FGD5: variants seen among roughly 807,000 people sequenced by gnomAD.
FGD5 encodes FYVE, RhoGEF and PH domain-containing protein 5.
FGD5 carries 28 observed loss-of-function variants against 133.4 expected under a neutral mutation model. The ratio of observed to expected loss-of-function variants is 0.21; its 90% CI spans 0.16 to 0.29. The LOEUF (loss-of-function observed/expected upper bound fraction) is 0.29. FGD5 is among the 10% of genes least tolerant of loss of function. FGD5 has a pLI of 1.00. For missense variants in FGD5, 1,858 were observed against 1,895.2 expected (o/e 0.98, Z 0.36); for synonymous variants, 810 against 776.5 (o/e 1.04, Z -0.72).
chr3:14,923,968 G>A (rs1377705875), intron 16 of FGD5, 40 bp from the exon 17 acceptor site: 10 of 1,612,336 alleles, frequency 6.2e-6, no homozygotes, highest in East Asian at 2.2e-5. Flanking sequence ...CCGCAGGCAC[G>A]CCTCTCACCT....
intron 2 of FGD5, among the ~76,000 whole-genome samples, chr3:14,876,160 G>A: frequency 6.6e-6 from 1 of 152,160 alleles, no homozygotes; most frequent in East Asian, 1.9e-4. Flanking sequence ...GCATACTTGG[G>A]GACCATCCTG....
rs145257757 is a variant in FGD5 at position 14,849,671 on chromosome 3, T to C, written c.2526-14457T>C. Among the ~76,000 whole-genome samples, 637 of 152,200 alleles carry C rather than the reference T, an allele frequency of 4.2e-3. 2 individuals carry two copies. Among genetic ancestry groups the C allele is most frequent in the African/African-American group, 0.014 (598 of 41,506 alleles). On this transcript the variant is annotated intron_variant, in intron 1 of 19. Coordinates refer to ENST00000285046, the MANE Select transcript of FGD5 (RefSeq NM_152536.4). Reference sequence around the variant, plus strand: ...GTGCTTAATAAATGAATAAATACAGTAGAGGTTGCATAGACTCATTGTCAG... The same window carrying C: ...GTGCTTAATAAATGAATAAATACAGCAGAGGTTGCATAGACTCATTGTCAG...
rs1271925724 is a variant in FGD5, at chr3:14,917,313, T to C, written c.3470T>C (p.Leu1157Ser). The C allele has an allele frequency of 6.2e-7, 1 of 1,613,458 alleles. No individual in the cohort carries two copies. Among genetic ancestry groups the C allele is most frequent in the Admixed American group, 1.7e-5 (1 of 59,948 alleles). Residue 1157 changes from leucine to serine, a missense_variant, in exon 12 of 20, where the codon TTG becomes TCG. Coordinates refer to ENST00000285046, the MANE Select transcript of FGD5 (RefSeq NM_152536.4). This position sits in a 1 kb window ranked among gnomAD's most constrained non-coding sequence, Gnocchi z 4.1. ...GGGAAGTACCGGCTGAAGAACACATTGGCTGTGGCCAACATGAAGGTAAAT... is the reference window on the plus strand; with the variant it reads ...GGGAAGTACCGGCTGAAGAACACATCGGCTGTGGCCAACATGAAGGTAAAT... ...KDGKYRLKNT[L>S]AVANMKVSRP...
chr3:14,858,509 C>T (rs1234493989), intron 1 of FGD5, among the ~76,000 whole-genome samples: 5 of 152,262 alleles, frequency 3.3e-5, no homozygotes, highest in Non-Finnish European at 2.9e-5. Flanking sequence ...GAAGATAACA[C>T]CTCATCCAGT....
intron 1 of FGD5, chr3:14,810,902 G>A (rs1462674821): frequency 1.0e-6 from 1 of 985,124 alleles, no homozygotes; most frequent in Non-Finnish European, 1.2e-6. Flanking sequence ...CGAGGCACGA[G>A]CGCGAGGGAC....
At chr3:14,821,844 G>A (rs1454781734) in intron 1 of FGD5, among the ~76,000 whole-genome samples, 1 of 152,198 alleles carries the variant, frequency 6.6e-6, no homozygotes, top group African/African-American at 2.4e-5. Context: ...GCTCATGCCT[G>A]TAATCCCAGC....
chr3:14,835,946 G>A (rs2036808415), intron 1 of FGD5, among the ~76,000 whole-genome samples: 1 of 152,154 alleles, frequency 6.6e-6, no homozygotes, highest in African/African-American at 2.4e-5. Flanking sequence ...CAGGAAAAGG[G>A]GCCTCTGAAA....
chr3:14,828,690 A>G (rs2036647218), intron 1 of FGD5, among the ~76,000 whole-genome samples: 1 of 152,184 alleles, frequency 6.6e-6, no homozygotes, highest in African/African-American at 2.4e-5. Flanking sequence ...GCTGAGGAGA[A>G]AGATGGATAG....
Position 14,819,741 on chromosome 3 carries a change from A to G in FGD5, c.670A>G (p.Thr224Ala), listed in dbSNP as rs532236144. The change falls in exon 1 of 20, where the codon ACA (threonine) becomes GCA (alanine). Residue 224 changes from threonine to alanine, a missense_variant. By Grantham distance (58) the Thr-to-Ala change is moderately conservative. This residue lies in a region of FGD5 where 1,824 missense variants were observed against 1,848.9 expected (regional missense o/e 0.99). Transcript: ENST00000285046. The surrounding 1 kb of genome is among the most constrained non-coding windows in gnomAD (Gnocchi z 4.1). ...GGATGATGAGGAAGGCTGTGCCAGCACAGACCCAGCAGGGGCAGATGAGGG... is the reference window on the plus strand; with the variant it reads ...GGATGATGAGGAAGGCTGTGCCAGCGCAGACCCAGCAGGGGCAGATGAGGG... ...EEDDEEGCAS[T>A]DPAGADEGSG... 10 of 1,537,890 alleles carry G rather than the reference A, an allele frequency of 6.5e-6. No individual in the cohort carries two copies. The African/African-American group carries it at 6.8e-5, about 11-fold the overall frequency.
intron 2 of FGD5, among the ~76,000 whole-genome samples, chr3:14,878,906 G>A (rs1194298569): frequency 6.6e-6 from 1 of 151,954 alleles, no homozygotes; most frequent in Non-Finnish European, 1.5e-5. Context: ...ACAGGGTTTC[G>A]CTGTGTTGGC....
chr3:14,857,295 C>T (rs1329255801), intron 1 of FGD5, among the ~76,000 whole-genome samples: 3 of 152,040 alleles, frequency 2.0e-5, no homozygotes, highest in East Asian at 3.9e-4. Context: ...AGGCTAATAG[C>T]TATAGGGATG....
At chr3:14,910,316 C>T (rs2038422749) in intron 10 of FGD5, among the ~76,000 whole-genome samples, 1 of 152,172 alleles carries the variant, frequency 6.6e-6, no homozygotes, top group Non-Finnish European at 1.5e-5. Flanking sequence ...CACGCATCTC[C>T]TTAAATCATA....
At chr3:14,923,829 AG>A (rs1559508115) in intron 16 of FGD5, 178 bp from the exon 17 acceptor site, 1 of 789,026 alleles carries the variant, frequency 1.3e-6, no homozygotes, top group East Asian at 2.7e-5. Flanking sequence ...TCCCCTCCCC[AG>A]CCCCCATAGC....
chr3:14,906,952 G>A (rs1447782307), intron 9 of FGD5, among the ~76,000 whole-genome samples: 1 of 152,302 alleles, frequency 6.6e-6, no homozygotes, highest in South Asian at 2.1e-4. Flanking sequence ...AAATGGAAAT[G>A]GAACCACAAT....
rs767070420 is a variant in FGD5, at chr3:14,917,255, G to A, written c.3412G>A (p.Asp1138Asn). ...RRPRHLFLMN[D>N]VLLYTYPQKD... ...AGGGTTTCCCTCTCTCCAGATGAAC[G>A]ATGTGCTCCTGTACACCTATCCCCA... Residue 1138 changes from aspartate to asparagine, a missense_variant, in exon 12 of 20, where the codon GAT becomes AAT. By Grantham distance (23) the Asp-to-Asn change is conservative (BLOSUM62 1). Coordinates refer to ENST00000285046, the MANE Select transcript of FGD5 (RefSeq NM_152536.4). The surrounding 1 kb of genome is among the most constrained non-coding windows in gnomAD (Gnocchi z 4.1). 73 of 1,613,330 alleles carry A rather than the reference G, an allele frequency of 4.5e-5. No individual in the cohort carries two copies. The highest frequency in any genetic ancestry group is 3.1e-4 in the East Asian group (14 of 44,868).
chr3:14,810,804 C>G (rs559480031), upstream of FGD5: 50 of 984,392 alleles, frequency 5.1e-5, no homozygotes, highest in South Asian at 2.2e-3. Context: ...CACTGGGACC[C>G]GCGGACGGAC....
chr3:14,892,107 G>A (rs894932388), intron 4 of FGD5, among the ~76,000 whole-genome samples: 4 of 152,064 alleles, frequency 2.6e-5, no homozygotes, highest in Non-Finnish European at 5.9e-5. Flanking sequence ...CTTGGGGAGA[G>A]AAGGCCAGAA....
At chr3:14,844,425 C>T (rs540559673) in intron 1 of FGD5, among the ~76,000 whole-genome samples, 3 of 150,310 alleles carry the variant, frequency 2.0e-5, no homozygotes, top group East Asian at 2.0e-4. Context: ...TAACTAGCTG[C>T]GTGGAAAAGT....
chr3:14,864,276 G>A lies in FGD5; in HGVS notation c.2658+16G>A. 1 of 1,613,824 alleles carries A rather than the reference G, an allele frequency of 6.2e-7. No individual in the cohort carries two copies. Among genetic ancestry groups the A allele is most frequent in the Non-Finnish European group, 8.5e-7 (1 of 1,179,776 alleles). ...CACCCACAAGGTAGGGCACCCCACAGGTAGGCCGTGGGCATCGGAGACGTG... is the reference window on the plus strand; with the variant it reads ...CACCCACAAGGTAGGGCACCCCACAAGTAGGCCGTGGGCATCGGAGACGTG... On this transcript the variant is annotated intron_variant, in intron 2 of 19. Coordinates refer to ENST00000285046, the MANE Select transcript of FGD5 (RefSeq NM_152536.4).
Sources: gnomAD v4.1 joint callset for allele counts (sites outside exome capture counted in the v4.1 genomes callset) on GRCh38, gnomAD v4.1.1 for gene constraint, gnomAD v4.1.1 regional missense constraint, Gnocchi (gnomAD v3.1) non-coding constraint, MANE v1.5 for transcripts, NCBI Gene and HGNC (gene_info 2026-07-23, HGNC 2026-07-21) for gene names.